ROBO2: variants seen among roughly 807,000 people sequenced by gnomAD.
The protein encoded by ROBO2 is roundabout guidance receptor 2.
Under a neutral mutation model 160.8 loss-of-function variants are expected in ROBO2, and 53 were observed. The ratio of observed to expected loss-of-function variants is 0.33; its 90% CI spans 0.26 to 0.41. The LOEUF (loss-of-function observed/expected upper bound fraction) is 0.41, where lower values mean the gene tolerates loss of function less well. Ranked by LOEUF, ROBO2 falls within the 10% of genes least tolerant of loss-of-function variation. The probability of loss-of-function intolerance (pLI) is 1.00; values close to 1 mark genes in which losing one functional copy is unlikely to be tolerated. For missense variants in ROBO2, 1,577 were observed against 1,722.4 expected (o/e 0.92, Z 1.49); for synonymous variants, 664 against 611.7 (o/e 1.09, Z -1.26).
chr3:75,968,310 GAGT>G (rs1180781963), intron 2 of ROBO2, among the ~76,000 whole-genome samples: 1 of 151,420 alleles, frequency 6.6e-6, no homozygotes, highest in Non-Finnish European at 1.5e-5. Flanking sequence ...CTTTGCTGGT[GAGT>G]CTACATTTAT....
At chr3:76,617,747 A>G (rs1448045717) in intron 2 of ROBO2, among the ~76,000 whole-genome samples, 1 of 152,136 alleles carries the variant, frequency 6.6e-6, no homozygotes, top group Admixed American at 6.5e-5. Context: ...ATCCAAGACT[A>G]TGCAATTTAT....
intron 2 of ROBO2, among the ~76,000 whole-genome samples, chr3:76,853,203 T>C (rs1317442397): frequency 6.6e-6 from 1 of 152,048 alleles, no homozygotes; most frequent in Admixed American, 6.6e-5. Context: ...ATAGCTAATG[T>C]TTTTAAAAAA....
chr3:77,558,814 C>G (rs1184182925), intron 9 of ROBO2, among the ~76,000 whole-genome samples: 1 of 151,998 alleles, frequency 6.6e-6, no homozygotes, highest in Non-Finnish European at 1.5e-5. Context: ...TATTATGGAA[C>G]AATATGAACA....
chr3:77,077,744 C>T (rs1460525715), intron 1 of ROBO2, among the ~76,000 whole-genome samples: 1 of 152,150 alleles, frequency 6.6e-6, no homozygotes, highest in Non-Finnish European at 1.5e-5. Context: ...TGTTCTTATC[C>T]ATCAAGGTCT....
At chr3:77,214,531 C>G (rs2084656990) in intron 2 of ROBO2, among the ~76,000 whole-genome samples, 1 of 152,142 alleles carries the variant, frequency 6.6e-6, no homozygotes, top group Admixed American at 6.6e-5. Context: ...GACTCTTTAT[C>G]GAATTTGCCA....
chr3:75,912,177 T>G (rs1946626545), intron 1 of ROBO2, among the ~76,000 whole-genome samples: 1 of 152,204 alleles, frequency 6.6e-6, no homozygotes, highest in South Asian at 2.1e-4. Context: ...CTCAAGCATG[T>G]GGAGAGAAGA....
intron 2 of ROBO2, among the ~76,000 whole-genome samples, chr3:76,008,471 C>A (rs187827737): frequency 6.6e-6 from 1 of 152,106 alleles, no homozygotes; most frequent in African/African-American, 2.4e-5. Flanking sequence ...TACAATACCA[C>A]ATTTAAAATG....
chr3:77,263,835 C>T (rs973696420), intron 2 of ROBO2, among the ~76,000 whole-genome samples: 2 of 152,132 alleles, frequency 1.3e-5, no homozygotes, highest in African/African-American at 4.8e-5. Context: ...TTACTATGAA[C>T]CACTCAAAAT....
chr3:75,997,710 G>A (rs1485885079), intron 2 of ROBO2, among the ~76,000 whole-genome samples: 1 of 151,966 alleles, frequency 6.6e-6, no homozygotes, highest in Non-Finnish European at 1.5e-5. Context: ...AGACAGGATG[G>A]TCTCGATCTC....
chr3:77,449,662 C>T (rs1019003573), intron 2 of ROBO2, among the ~76,000 whole-genome samples: 3 of 152,110 alleles, frequency 2.0e-5, no homozygotes, highest in Middle Eastern at 3.4e-3. Flanking sequence ...GCAGTTTTTG[C>T]GATATGCTAC....
At chr3:77,610,975 C>T (rs1240630664) in intron 21 of ROBO2, among the ~76,000 whole-genome samples, 2 of 151,728 alleles carry the variant, frequency 1.3e-5, no homozygotes, top group Non-Finnish European at 2.9e-5. Flanking sequence ...TCAATTTGTA[C>T]CTGATGTATG....
At chr3:76,114,479 C>A (rs1051947307) in intron 2 of ROBO2, among the ~76,000 whole-genome samples, 1 of 151,982 alleles carries the variant, frequency 6.6e-6, no homozygotes, top group Non-Finnish European at 1.5e-5. Context: ...ATTTTAATGG[C>A]TGCCTAGAAT....
intron 2 of ROBO2, among the ~76,000 whole-genome samples, 198 bp downstream of exon 2, chr3:77,098,538 A>T (rs2071411523): frequency 6.6e-6 from 1 of 152,096 alleles, no homozygotes; most frequent in Non-Finnish European, 1.5e-5. Context: ...TGAAATCAAG[A>T]TGACCAATAT....
At chr3:77,526,015 A>G (rs372108521) in intron 6 of ROBO2, among the ~76,000 whole-genome samples, 6 of 151,394 alleles carry the variant, frequency 4.0e-5, no homozygotes, top group South Asian at 2.1e-4. Context: ...TTGATAGTCA[A>G]TCTTGTATTC....
chr3:77,454,120 C>CT (rs36018732), intron 2 of ROBO2, among the ~76,000 whole-genome samples: 15,319 of 139,610 alleles, frequency 0.11, 1,025 homozygotes, highest in African/African-American at 0.2. Context: ...TTACTCTGGG[C>CT]TTTTTTTTTT....
At chr3:77,640,657 G>A (rs769739977) in intron 24 of ROBO2, among the ~76,000 whole-genome samples, 4 of 152,006 alleles carry the variant, frequency 2.6e-5, no homozygotes, top group Middle Eastern at 3.2e-3. Flanking sequence ...GCTAATCCTC[G>A]GTAGGCCAGT....
At chr3:76,345,963 C>T (rs1292280193) in intron 2 of ROBO2, among the ~76,000 whole-genome samples, 2 of 151,918 alleles carry the variant, frequency 1.3e-5, no homozygotes, top group South Asian at 2.1e-4. Context: ...CAACTGATCT[C>T]GGTTTCTCTT....
At chr3:76,433,363 A>G (rs1374691740) in intron 2 of ROBO2, among the ~76,000 whole-genome samples, 1 of 152,200 alleles carries the variant, frequency 6.6e-6, no homozygotes, top group Non-Finnish European at 1.5e-5. Flanking sequence ...GTATAAATAA[A>G]CTAAACAATT....
rs146277705 is a variant in ROBO2 at position 77,586,613 on chromosome 3, A to C, written c.2501-2138A>C. 1.6e-4 allele frequency among the ~76,000 whole-genome samples: 24 copies of C among 152,174 alleles called. No homozygotes were observed. In the East Asian group the frequency reaches 3.3e-3, roughly 21 times the overall value. On this transcript the variant is annotated intron_variant, in intron 16 of 25. Coordinates refer to ENST00000461745, the Ensembl canonical transcript of ROBO2. ...AAATACCAGCAGCATAAAAAATAGC[A>C]ATACACCTTGAGTAACATAAATATT...
Sources: gnomAD v4.1 joint callset for allele counts (sites outside exome capture counted in the v4.1 genomes callset) on GRCh38, gnomAD v4.1.1 for gene constraint, MANE v1.5 for transcripts, NCBI Gene and HGNC (gene_info 2026-07-23, HGNC 2026-07-21) for gene names.